WWC2: variants seen among roughly 807,000 people sequenced by gnomAD.
WWC2 encodes WW and C2 domain containing 2.
Under a neutral mutation model 138.5 loss-of-function variants are expected in WWC2, and 101 were observed. The ratio of observed to expected loss-of-function variants is 0.73; its 90% CI spans 0.62 to 0.86. The LOEUF is 0.86. Ranked by LOEUF, WWC2 falls within the 40% of genes least tolerant of loss-of-function variation. The pLI, the probability that WWC2 is intolerant of heterozygous loss-of-function variation, is 0.00. For synonymous variants in WWC2, 558 were observed against 538.4 expected (o/e 1.04, Z -0.50); for missense variants, 1,420 against 1,419.4 (o/e 1.00, Z -0.01).
chr4:183,184,499 A>G (rs954730376), intron 1 of WWC2, among the ~76,000 whole-genome samples: 4 of 152,212 alleles, frequency 2.6e-5, no homozygotes, highest in Non-Finnish European at 5.9e-5. Flanking sequence ...TAGACCTAGA[A>G]GTAGTATTGT....
Position 183,282,874 on chromosome 4 carries a change from A to G in WWC2, c.2851A>G (p.Arg951Gly). The change falls in exon 18 of 23, where the codon AGA becomes GGA. Residue 951 changes from arginine to glycine, a missense_variant. Transcript: ENST00000403733. ...RKESNCAKDLRSQPPTRIPTL... is the reference protein window; with the variant it reads ...RKESNCAKDLGSQPPTRIPTL... ...AGAAAGCAACTGTGCCAAAGACCTC[A>G]GAAGTCAGCCACCTACTAGAATACC... 3.8e-6 allele frequency: 6 copies of G among 1,589,438 alleles called. No homozygotes were observed. Among genetic ancestry groups the G allele is most frequent in the Non-Finnish European group, 5.1e-6 (6 of 1,167,414 alleles).
At chr4:183,294,073 C>T (rs1324306432) in intron 21 of WWC2, among the ~76,000 whole-genome samples, 1 of 151,996 alleles carries the variant, frequency 6.6e-6, no homozygotes, top group Non-Finnish European at 1.5e-5. Context: ...GGCTCTGGGC[C>T]ATATGATCCC....
At chr4:183,250,518 AT>A (rs1736945144) in intron 8 of WWC2, among the ~76,000 whole-genome samples, 2 of 152,200 alleles carry the variant, frequency 1.3e-5, no homozygotes, top group Non-Finnish European at 2.9e-5. Context: ...CTTTTACCTC[AT>A]AAACTCTTCT....
intron 8 of WWC2, among the ~76,000 whole-genome samples, chr4:183,252,965 G>A (rs1737023821): frequency 6.6e-6 from 1 of 152,122 alleles, no homozygotes; most frequent in African/African-American, 2.4e-5. Context: ...AAACTCCTGG[G>A]CTCAAGTGAT....
Position 183,248,793 on chromosome 4 carries a change from T to C in WWC2, c.812T>C (p.Val271Ala), listed in dbSNP as rs1363443711. Residue 271 changes from valine (V) to alanine (A), a missense_variant, in exon 7 of 23, where the codon GTG (valine) becomes GCG (alanine). By Grantham distance (64) the Val-to-Ala change is moderately conservative. Coordinates refer to ENST00000403733, the MANE Select transcript of WWC2 (RefSeq NM_024949.6). ...GAGCCAGATTTGAGATGTAGTCCTG[T>C]GAACTCTCATTTATGTCTCTCCAGA... ...RSEPDLRCSP[V>A]NSHLCLSRQT... 1 of 1,604,400 alleles carries C rather than the reference T, an allele frequency of 6.2e-7. No homozygotes were observed. Among genetic ancestry groups the C allele is most frequent in the Admixed American group, 1.7e-5 (1 of 58,748 alleles).
At chr4:183,144,910 CT>C (rs1284701150) in intron 1 of WWC2, among the ~76,000 whole-genome samples, 1 of 152,166 alleles carries the variant, frequency 6.6e-6, no homozygotes, top group African/African-American at 2.4e-5. Context: ...CTGTGCTTTT[CT>C]TGCTTTTCTT....
intron 4 of WWC2, among the ~76,000 whole-genome samples, chr4:183,224,550 G>GTTTTTGT: frequency 6.6e-6 from 1 of 151,812 alleles, no homozygotes; most frequent in Admixed American, 6.6e-5. Flanking sequence ...TTTTTGTTTA[G>GTTTTTGT]TTTTGTTTTT....
At chr4:183,107,477 T>C (rs1029933187) in intron 1 of WWC2, among the ~76,000 whole-genome samples, 6 of 152,164 alleles carry the variant, frequency 3.9e-5, no homozygotes, top group Admixed American at 3.9e-4. Context: ...AAAAAGTTAT[T>C]TTAGTGGGTG....
chr4:183,120,917 A>G (rs1227604918), intron 1 of WWC2, among the ~76,000 whole-genome samples: 4 of 152,208 alleles, frequency 2.6e-5, no homozygotes, highest in Non-Finnish European at 5.9e-5. Flanking sequence ...CCCAGCCAGA[A>G]CACATTTTAA....
At chr4:183,267,065 G>A (rs1737525737) in intron 14 of WWC2, among the ~76,000 whole-genome samples, 1 of 151,552 alleles carries the variant, frequency 6.6e-6, no homozygotes, top group Non-Finnish European at 1.5e-5. Context: ...GGGTCTCACT[G>A]GGTTGCCCAG....
At chr4:183,273,699 C>A (rs1448361712) in intron 16 of WWC2, among the ~76,000 whole-genome samples, 1 of 152,198 alleles carries the variant, frequency 6.6e-6, no homozygotes, top group Non-Finnish European at 1.5e-5. Context: ...TTCTCTCATT[C>A]TGTGGATTGT....
chr4:183,155,221 A>AGAGAGTGAGAGAGAGT (rs61543148), intron 1 of WWC2, among the ~76,000 whole-genome samples: 1 of 135,282 alleles, frequency 7.4e-6, no homozygotes, highest in African/African-American at 2.8e-5. Context: ...AGAGAGAGAG[A>AGAGAGTGAGAGAGAGT]GAGTTAGTTG....
At chr4:183,111,180 C>A (rs1185304103) in intron 1 of WWC2, among the ~76,000 whole-genome samples, 1 of 152,136 alleles carries the variant, frequency 6.6e-6, no homozygotes, top group Non-Finnish European at 1.5e-5. Context: ...GCGGAGCTTG[C>A]AGTGAGCGGA....
At chr4:183,310,132 A>G (rs772500768) in intron 21 of WWC2, among the ~76,000 whole-genome samples, 2 of 152,242 alleles carry the variant, frequency 1.3e-5, no homozygotes, top group African/African-American at 4.8e-5. Context: ...AATGGTGGGT[A>G]CATGTCATTA....
intron 1 of WWC2, among the ~76,000 whole-genome samples, chr4:183,185,970 C>T (rs1166020446): frequency 1.8e-4 from 23 of 129,118 alleles, no homozygotes; most frequent in Non-Finnish European, 1.1e-4. Context: ...TTTTTGGTGA[C>T]GGAGTCTCAC....
At chr4:183,223,340 T>C (rs1735981807) in intron 4 of WWC2, among the ~76,000 whole-genome samples, 2 of 152,250 alleles carry the variant, frequency 1.3e-5, no homozygotes, top group Non-Finnish European at 2.9e-5. Context: ...GACTAAACTT[T>C]ATTATGGGAA....
intron 4 of WWC2, among the ~76,000 whole-genome samples, chr4:183,227,549 A>G (rs1258813516): frequency 6.6e-6 from 1 of 152,088 alleles, no homozygotes; most frequent in Non-Finnish European, 1.5e-5. Context: ...TTAAGAAATA[A>G]AAAAAGAGAT....
At chr4:183,163,773 AGAT>A (rs1198733486) in intron 1 of WWC2, among the ~76,000 whole-genome samples, 1 of 152,122 alleles carries the variant, frequency 6.6e-6, no homozygotes, top group Non-Finnish European at 1.5e-5. Flanking sequence ...TTTTGTGAAG[AGAT>A]GGTGGGTATT....
chr4:183,304,623 G>A (rs1738965160), intron 21 of WWC2, among the ~76,000 whole-genome samples: 1 of 152,132 alleles, frequency 6.6e-6, no homozygotes, highest in South Asian at 2.1e-4. Context: ...TGTGGAAGAA[G>A]GGGAGTACCC....
Sources: allele counts gnomAD v4.1 joint callset (sites outside exome capture counted in the v4.1 genomes callset), GRCh38; gene constraint gnomAD v4.1.1; transcripts MANE v1.5; gene names NCBI Gene and HGNC (gene_info 2026-07-23, HGNC 2026-07-21).